PHLPP2: variants seen among roughly 807,000 people sequenced by gnomAD.
The protein encoded by PHLPP2 is PH domain and leucine rich repeat protein phosphatase 2.
A neutral mutation model predicts 124.9 loss-of-function variants in PHLPP2; 66 were observed. The ratio of observed to expected loss-of-function variants is 0.53; its 90% CI spans 0.43 to 0.65. The LOEUF (loss-of-function observed/expected upper bound fraction) is 0.65, where lower values mean the gene tolerates loss of function less well. Ranked by LOEUF, PHLPP2 falls within the 30% of genes least tolerant of loss-of-function variation. The pLI, the probability that PHLPP2 is intolerant of heterozygous loss-of-function variation, is 0.00. For missense variants in PHLPP2, 1,685 were observed against 1,600.4 expected, an observed-to-expected ratio of 1.05 and a Z score of -0.90; for synonymous variants, 681 against 624.7, an observed-to-expected ratio of 1.09 and a Z score of -1.34.
At chr16:71,722,942 C>A (rs9934301) in intron 1 of PHLPP2, among the ~76,000 whole-genome samples, 1 of 152,136 alleles carries the variant, frequency 6.6e-6, no homozygotes, top group Admixed American at 6.5e-5. Flanking sequence ...AAACTTACTT[C>A]TCATCACCTT....
intron 1 of PHLPP2, chr16:71,723,891 C>T (rs2045415750): frequency 3.0e-6 from 3 of 983,986 alleles, no homozygotes; most frequent in East Asian, 9.2e-5. Flanking sequence ...TTCACAGAGA[C>T]GCCCGGCCCG....
At chr16:71,719,977 T>TTTTTTTTTTTTG (rs2045388060) in intron 1 of PHLPP2, among the ~76,000 whole-genome samples, 1 of 131,662 alleles carries the variant, frequency 7.6e-6, no homozygotes. Context: ...TTTTTTTTTT[T>TTTTTTTTTTTTG]TTTTTTTTTT....
chr16:71,723,821 T>C, intron 1 of PHLPP2: 1 of 1,257,606 alleles, frequency 8.0e-7, no homozygotes. Context: ...TTCGGGCGGC[T>C]CCGGGGGCTC....
At chr16:71,708,443 T>A (rs536453482) in intron 2 of PHLPP2, among the ~76,000 whole-genome samples, 10 of 152,220 alleles carry the variant, frequency 6.6e-5, no homozygotes, top group Non-Finnish European at 1.0e-4. Flanking sequence ...CCAAATCCTA[T>A]AAAACTGCCC....
At chr16:71,719,030 A>G (rs2045381239) in intron 1 of PHLPP2, among the ~76,000 whole-genome samples, 4 of 152,104 alleles carry the variant, frequency 2.6e-5, no homozygotes, top group Admixed American at 2.6e-4. Flanking sequence ...TAACTGCTGG[A>G]AAAACCTTCC....
rs1335480756 is a variant in PHLPP2, at chr16:71,684,467, A to T, written c.735+9T>A. On this transcript the variant is annotated intron_variant, in intron 5 of 18. Coordinates refer to ENST00000568954, the MANE Select transcript of PHLPP2 (RefSeq NM_015020.3). ...TATCTCCACATCAGAACATCCCATTACTTTTCACCTTGGATGCTTGCCGTT... is the reference window on the plus strand; with the variant it reads ...TATCTCCACATCAGAACATCCCATTTCTTTTCACCTTGGATGCTTGCCGTT... 1 of 1,613,572 alleles carries T rather than the reference A, an allele frequency of 6.2e-7. No homozygotes were observed.
intron 10 of PHLPP2, among the ~76,000 whole-genome samples, chr16:71,670,148 G>A (rs547159039): frequency 1.3e-5 from 2 of 152,346 alleles, no homozygotes; most frequent in East Asian, 3.9e-4. Flanking sequence ...ACATGAGCTA[G>A]AGCACAGAGG....
chr16:71,714,200 C>T (rs1257264789), intron 2 of PHLPP2, among the ~76,000 whole-genome samples: 2 of 152,040 alleles, frequency 1.3e-5, no homozygotes, highest in African/African-American at 4.8e-5. Context: ...TCAGCCTCCC[C>T]AAGTGCTGGG....
chr16:71,670,231 G>A (rs946920152), intron 10 of PHLPP2, among the ~76,000 whole-genome samples: 4 of 152,190 alleles, frequency 2.6e-5, no homozygotes, highest in Admixed American at 6.5e-5. Context: ...CGGAGGAGAC[G>A]GCCTGGGCTG....
intron 17 of PHLPP2, among the ~76,000 whole-genome samples, chr16:71,654,139 G>A (rs756169783): frequency 3.4e-5 from 5 of 145,800 alleles, no homozygotes; most frequent in South Asian, 2.3e-4. Flanking sequence ...AGCTTGCAGT[G>A]AGCCGAGATT....
chr16:71,680,989 T>TA (rs2044991971), intron 6 of PHLPP2, among the ~76,000 whole-genome samples: 1 of 152,208 alleles, frequency 6.6e-6, no homozygotes, highest in South Asian at 2.1e-4. Context: ...CAGATGAGAT[T>TA]AAAAAAACAA....
intron 1 of PHLPP2, among the ~76,000 whole-genome samples, chr16:71,722,943 T>A (rs1275374061): frequency 1.3e-5 from 2 of 152,216 alleles, no homozygotes; most frequent in Non-Finnish European, 2.9e-5. Flanking sequence ...AACTTACTTC[T>A]CATCACCTTC....
At chr16:71,716,812 G>C (rs1384525444) in intron 1 of PHLPP2, among the ~76,000 whole-genome samples, 1 of 152,130 alleles carries the variant, frequency 6.6e-6, no homozygotes, top group Non-Finnish European at 1.5e-5. Flanking sequence ...ATTCTCCCTA[G>C]ACAGAATTAA....
chr16:71,672,049 G>C (rs2044898725), intron 10 of PHLPP2, among the ~76,000 whole-genome samples: 1 of 152,062 alleles, frequency 6.6e-6, no homozygotes, highest in South Asian at 2.1e-4. Flanking sequence ...CTTTAAGAAA[G>C]AGTAATTCAC....
chr16:71,703,057 T>A (rs2045246888), intron 2 of PHLPP2, among the ~76,000 whole-genome samples: 1 of 152,210 alleles, frequency 6.6e-6, no homozygotes, highest in Non-Finnish European at 1.5e-5. Flanking sequence ...GTTTCTGAGT[T>A]ATTTCACTGA....
intron 4 of PHLPP2, among the ~76,000 whole-genome samples, chr16:71,688,889 T>C (rs2045079618): frequency 6.6e-6 from 1 of 152,210 alleles, no homozygotes. Flanking sequence ...TTCATTCATT[T>C]CCTGGTCAAA....
chr16:71,678,633 T>G, intron 8 of PHLPP2, 122 bp downstream of exon 8: 1 of 646,638 alleles, frequency 1.5e-6, no homozygotes, highest in South Asian at 1.9e-5. Flanking sequence ...AAGTGAGACC[T>G]TGTCTCAAAA....
intron 10 of PHLPP2, among the ~76,000 whole-genome samples, chr16:71,670,408 G>T (rs2044880815): frequency 6.6e-6 from 1 of 152,122 alleles, no homozygotes; most frequent in Non-Finnish European, 1.5e-5. Context: ...AAATCAGACT[G>T]TATTAGCTAG....
At chr16:71,669,831 C>T (rs1282579602) in intron 10 of PHLPP2, among the ~76,000 whole-genome samples, 1 of 152,134 alleles carries the variant, frequency 6.6e-6, no homozygotes. Context: ...GGAAAAGTTT[C>T]AAACCATTTA....
Sources: allele counts gnomAD v4.1 joint callset (sites outside exome capture counted in the v4.1 genomes callset), GRCh38; gene constraint gnomAD v4.1.1; transcripts MANE v1.5; gene names NCBI Gene and HGNC (gene_info 2026-07-23, HGNC 2026-07-21).